PIK3C2G: variants seen among roughly 807,000 people sequenced by gnomAD.
PIK3C2G encodes phosphatidylinositol 3-kinase C2 domain-containing subunit gamma.
Under a neutral mutation model 181.1 loss-of-function variants are expected in PIK3C2G, and 168 were observed. The ratio of observed to expected loss-of-function variants is 0.93; its 90% confidence interval spans 0.82 to 1.05. PIK3C2G has a LOEUF of 1.05. PIK3C2G is among the 50% of genes least tolerant of loss of function. The pLI is 0.00. For synonymous variants in PIK3C2G, 573 were observed against 592.2 expected, an observed-to-expected ratio of 0.97 and a Z score of 0.47; for missense variants, 1,869 against 1,732.8, an observed-to-expected ratio of 1.08 and a Z score of -1.40.
chr12:18,592,074 AC>A (rs991132499), intron 29 of PIK3C2G, among the ~76,000 whole-genome samples: 3 of 151,830 alleles, frequency 2.0e-5, no homozygotes, highest in Non-Finnish European at 4.4e-5. Flanking sequence ...TTAGTGGTAC[AC>A]TTTTGTGGTT....
chr12:18,549,403 A>G (rs1446388453), intron 26 of PIK3C2G, among the ~76,000 whole-genome samples: 3 of 152,096 alleles, frequency 2.0e-5, no homozygotes, highest in Admixed American at 2.0e-4. Context: ...AACTTAATGC[A>G]GTGCTTCTTG....
chr12:18,422,636 T>C (rs923859196), intron 17 of PIK3C2G, among the ~76,000 whole-genome samples: 11 of 152,010 alleles, frequency 7.2e-5, no homozygotes, highest in South Asian at 2.1e-4. Context: ...ACATTCTAGA[T>C]GGTCAGGCGG....
At chr12:18,652,120 G>A (rs1209139499), downstream of PIK3C2G, among the ~76,000 whole-genome samples, 5 of 152,038 alleles carry the variant, frequency 3.3e-5, 1 homozygote, top group South Asian at 6.2e-4. Context: ...AAATTGATAG[G>A]TTGAAGTCCT....
the PIK3C2G span, among the ~76,000 whole-genome samples, chr12:18,709,838 A>G: frequency 6.6e-6 from 1 of 152,070 alleles, no homozygotes; most frequent in East Asian, 1.9e-4. Flanking sequence ...AATTTCTTTC[A>G]TCCATGTTTT....
the PIK3C2G span, among the ~76,000 whole-genome samples, chr12:18,711,481 A>C: frequency 6.6e-6 from 1 of 150,812 alleles, no homozygotes; most frequent in Non-Finnish European, 1.5e-5. Flanking sequence ...ACATGTATCC[A>C]TATGTAACAA....
In PIK3C2G at chr12:18,538,228, T is replaced by C. The variant is rs1438497839; in HGVS notation, c.3396T>C (p.His1132=). 6.2e-7 allele frequency: 1 copy of C among 1,612,360 alleles called. No homozygotes were observed. Among genetic ancestry groups the C allele is most frequent in the African/African-American group, 1.3e-5 (1 of 74,816 alleles). ...FITEGGKNPQ[H]FQDFVELCCR... Reference sequence around the variant, plus strand: ...CAGAGGGTGGGAAAAACCCACAGCATTTTCAAGATTTTGTGGAACTTTGCT... The same window carrying C: ...CAGAGGGTGGGAAAAACCCACAGCACTTTCAAGATTTTGTGGAACTTTGCT... Residue 1132 remains histidine, a synonymous_variant, in exon 25 of 33, where the codon CAT becomes CAC. Coordinates refer to ENST00000538779, the MANE Select transcript of PIK3C2G (RefSeq NM_001288772.2).
rs558315114 is a variant in PIK3C2G, at chr12:18,361,370, T to C, written c.1626-1394T>C. On this transcript the variant is annotated intron_variant, in intron 11 of 32. Transcript: ENST00000538779. ...TTTGAACTATTTGTCATGTAATTTA[T>C]ACAACTTTATTTTCTTAGACTTGAT... 3.1e-4 allele frequency among the ~76,000 whole-genome samples: 47 copies of C among 152,314 alleles called. 2 individuals are homozygous for C. Among genetic ancestry groups the C allele is most frequent in the African/African-American group, 1.1e-3 (46 of 41,570 alleles).
intron 1 of PIK3C2G, among the ~76,000 whole-genome samples, chr12:18,265,696 T>A (rs1948454427): frequency 3.3e-5 from 5 of 152,020 alleles, no homozygotes; most frequent in Admixed American, 3.3e-4. Flanking sequence ...TTGCTTTAAT[T>A]TTTTTATGTG....
downstream of PIK3C2G, among the ~76,000 whole-genome samples, chr12:18,650,090 G>A (rs561347990): frequency 2.6e-5 from 4 of 152,118 alleles, no homozygotes; most frequent in South Asian, 6.2e-4. Context: ...TTCCAGAGAT[G>A]AGTAACAAAC....
chr12:18,336,705 C>A (rs945242469), intron 8 of PIK3C2G, among the ~76,000 whole-genome samples: 22 of 149,900 alleles, frequency 1.5e-4, no homozygotes, highest in Admixed American at 1.4e-3. Context: ...ATTTTTTAAT[C>A]CATGAAAGAC....
intron 18 of PIK3C2G, among the ~76,000 whole-genome samples, chr12:18,426,656 C>A (rs1482243803): frequency 6.6e-6 from 1 of 152,054 alleles, no homozygotes; most frequent in Admixed American, 6.6e-5. Flanking sequence ...ATAGTTAAGA[C>A]CACTAAATAA....
At chr12:18,550,941 C>A (rs1944697047) in intron 26 of PIK3C2G, among the ~76,000 whole-genome samples, 1 of 152,040 alleles carries the variant, frequency 6.6e-6, no homozygotes, top group Non-Finnish European at 1.5e-5. Context: ...TTTCCTGCCT[C>A]TTGGAGAATG....
At chr12:18,362,592 C>T (rs1296881450) in intron 11 of PIK3C2G, among the ~76,000 whole-genome samples, 172 bp from the exon 12 acceptor site, 3 of 152,218 alleles carry the variant, frequency 2.0e-5, no homozygotes, top group Admixed American at 2.0e-4. Flanking sequence ...TCCTATTCCA[C>T]TGTCTTTTTG....
chr12:18,604,428 C>T (rs1180205580), intron 30 of PIK3C2G, among the ~76,000 whole-genome samples: 1 of 152,142 alleles, frequency 6.6e-6, no homozygotes, highest in Non-Finnish European at 1.5e-5. Flanking sequence ...ATGAGATAGA[C>T]AGCAACACAA....
At chr12:18,406,264 G>GT (rs1045300357) in intron 16 of PIK3C2G, among the ~76,000 whole-genome samples, 1 of 152,054 alleles carries the variant, frequency 6.6e-6, no homozygotes, top group African/African-American at 2.4e-5. Context: ...CCACAGTGTC[G>GT]TTATCCATTC....
chr12:18,278,217 T>C (rs959709695), intron 1 of PIK3C2G, among the ~76,000 whole-genome samples: 2 of 152,172 alleles, frequency 1.3e-5, no homozygotes, highest in African/African-American at 4.8e-5. Flanking sequence ...TGTACTAAGA[T>C]CAAGATTTCA....
chr12:18,332,514 C>T (rs973993083), intron 8 of PIK3C2G, among the ~76,000 whole-genome samples: 5 of 152,042 alleles, frequency 3.3e-5, no homozygotes, highest in Non-Finnish European at 7.4e-5. Context: ...TCACAGTAAA[C>T]GAGAGTTTAT....
chr12:18,529,124 G>T (rs1374484148), intron 24 of PIK3C2G, among the ~76,000 whole-genome samples: 1 of 152,058 alleles, frequency 6.6e-6, no homozygotes, highest in Non-Finnish European at 1.5e-5. Context: ...CATTGGGATA[G>T]ATGACTGTTT....
the PIK3C2G span, chr12:18,683,663 TA>T: frequency 7.7e-7 from 1 of 1,299,748 alleles, no homozygotes; most frequent in Non-Finnish European, 1.0e-6. Context: ...TGAGACAAGG[TA>T]ATTGGGAGCA....
Sources: gnomAD v4.1 joint callset for allele counts (sites outside exome capture counted in the v4.1 genomes callset) on GRCh38, gnomAD v4.1.1 for gene constraint, MANE v1.5 for transcripts, NCBI Gene and HGNC (gene_info 2026-07-23, HGNC 2026-07-21) for gene names.